The following MCM8 variants were observed in gnomAD, a reference collection of about 807,000 sequenced individuals.
MCM8 encodes DNA helicase MCM8.
MCM8 carries 85 observed loss-of-function variants against 98.9 expected under a neutral mutation model. The observed-to-expected ratio is 0.86, with a 90% confidence interval of 0.72 to 1.03. The LOEUF is 1.03. MCM8 is among the 50% of genes least tolerant of loss of function. The pLI, the probability that MCM8 is intolerant of heterozygous loss-of-function variation, is 0.00. For synonymous variants in MCM8, 352 were observed against 338.6 expected (o/e 1.04, Z -0.44); for missense variants, 951 against 997.8 (o/e 0.95, Z 0.63).
At chr20:5,954,482 T>G (rs1469030647) in intron 3 of MCM8, 126 bp from the exon 4 acceptor site, 2 of 508,356 alleles carry the variant, frequency 3.9e-6, no homozygotes, top group Non-Finnish European at 7.1e-6. Context: ...CTTATATGAA[T>G]GTAATCAAAA....
chr20:5,982,483 T>C (rs1296047839), intron 13 of MCM8, among the ~76,000 whole-genome samples: 4 of 152,122 alleles, frequency 2.6e-5, no homozygotes, highest in African/African-American at 7.2e-5. Context: ...TGGTGGTGCA[T>C]TGTATTATGT....
rs573146386 is a variant in MCM8, at chr20:5,967,373, T to C, written c.876-63T>C. The C allele has an allele frequency of 2.7e-4, 403 of 1,467,724 alleles. 1 individual carries two copies. In the East Asian group the frequency reaches 8.0e-3, roughly 29 times the overall value. The allele number at this position is 1,467,724 out of a possible 1,614,324, so 90.9% of individuals were successfully genotyped here. A position where few individuals can be genotyped will look rare whatever the true frequency, so the allele number is the denominator to read the frequency against. The stretch of plus-strand genomic sequence containing the variant: ...TCAGCATCATGTGAACCCTGAATAG[T>C]TAATATCTTGCAGAAACCATCCAAA... On this transcript the variant is annotated intron_variant, in intron 8 of 18. Coordinates refer to ENST00000610722, the MANE Select transcript of MCM8 (RefSeq NM_032485.6).
In MCM8 at chr20:5,954,657, A is replaced by C. The variant is rs6117014; in HGVS notation, c.303A>C (p.Lys101Asn). The change falls in exon 4 of 19, where the codon AAA (lysine) becomes AAC (asparagine). Residue 101 changes from lysine to asparagine, a missense_variant. Lys to Asn is a moderately conservative substitution (Grantham distance 94). Transcript: ENST00000610722. ...PLIEKIQAFE[K>N]FFTRHIDLYD... ...TTGAGAAGATTCAAGCATTTGAAAA[A>C]TTTTTCACAAGGCATATTGATTTGT... 0.031 allele frequency: 49,444 copies of C among 1,609,630 alleles called. 1,722 individuals are homozygous for C. The highest frequency in any genetic ancestry group is 0.16 in the African/African-American group (11,604 of 74,798).
At chr20:5,973,006 A>G (rs1568584535) in intron 11 of MCM8, 50 bp from the exon 12 acceptor site, 4 of 1,593,026 alleles carry the variant, frequency 2.5e-6, no homozygotes, top group Non-Finnish European at 3.4e-6. Flanking sequence ...TTTACTAGTC[A>G]CCTTTATGTT....
chr20:5,954,109 G>C (rs752721920), intron 3 of MCM8, among the ~76,000 whole-genome samples: 1 of 151,828 alleles, frequency 6.6e-6, no homozygotes, highest in Non-Finnish European at 1.5e-5. Flanking sequence ...CTGTTCTTCT[G>C]TGAGAGACAT....
chr20:5,994,209 A>G, intron 18 of MCM8, 90 bp from the exon 19 acceptor site: 1 of 701,602 alleles, frequency 1.4e-6, no homozygotes, highest in Non-Finnish European at 2.2e-6. Flanking sequence ...GAAACTTTAC[A>G]GGTACATATT....
intron 5 of MCM8, among the ~76,000 whole-genome samples, chr20:5,955,561 G>C (rs960880552): frequency 1.2e-4 from 19 of 152,028 alleles, no homozygotes; most frequent in African/African-American, 4.1e-4. Context: ...AATCTCATAG[G>C]GAAGATAAAA....
intron 7 of MCM8, among the ~76,000 whole-genome samples, chr20:5,962,814 T>C (rs1471011909): frequency 6.6e-6 from 1 of 152,232 alleles, no homozygotes; most frequent in Admixed American, 6.5e-5. Context: ...CAAGTGCCTG[T>C]GTGGCATAAT....
chr20:5,988,677 C>T lies in MCM8; in HGVS notation c.2240+1319C>T, dbSNP rs575004559. Among the ~76,000 whole-genome samples, 327 of 152,202 alleles carry T rather than the reference C, an allele frequency of 2.1e-3. 2 individuals carry two copies. Among genetic ancestry groups the T allele is most frequent in the Non-Finnish European group, 3.1e-3 (213 of 68,022 alleles). ...TTCATTTAAAATGCATTTTTAATAT[C>T]CTCTGATAGCAATGAAAATACATTA... On this transcript the variant is annotated intron_variant, in intron 17 of 18. Coordinates refer to ENST00000610722, the MANE Select transcript of MCM8 (RefSeq NM_032485.6).
In MCM8 at chr20:5,967,495, A is replaced by C. The variant is rs1322454632; in HGVS notation, c.935A>C (p.Glu312Ala). 1.2e-6 allele frequency: 2 copies of C among 1,613,956 alleles called. No homozygotes were observed. Among genetic ancestry groups the C allele is most frequent in the Non-Finnish European group, 8.5e-7 (1 of 1,179,838 alleles). ...GCAGGTCGGATTCCACGAACAATAGAATGTGAGCTTGTTCATGATCTTGTG... is the reference window on the plus strand; with the variant it reads ...GCAGGTCGGATTCCACGAACAATAGCATGTGAGCTTGTTCATGATCTTGTG... Reference protein sequence around the residue: ...REAGRIPRTIECELVHDLVDS... With the variant: ...REAGRIPRTIACELVHDLVDS... The change falls in exon 9 of 19, where the codon GAA (glutamate) becomes GCA (alanine). Residue 312 changes from glutamate to alanine, a missense_variant. Transcript: ENST00000610722.
chr20:5,975,991 T>A (rs1161403879), intron 12 of MCM8, among the ~76,000 whole-genome samples: 1 of 152,154 alleles, frequency 6.6e-6, no homozygotes, highest in Non-Finnish European at 1.5e-5. Flanking sequence ...GAGTATGGCA[T>A]GTAAGCCACA....
rs2088801141 is a variant in MCM8, at chr20:5,950,851, A to G, written c.-178A>G. The G allele has an allele frequency of 6.5e-6, 1 of 153,218 alleles. No individual in the cohort carries two copies. Among genetic ancestry groups the G allele is most frequent in the Non-Finnish European group, 1.5e-5 (1 of 68,618 alleles). The allele number at this position is 153,218 out of a possible 1,614,324, so 9.5% of individuals were successfully genotyped here. A position where few individuals can be genotyped will look rare whatever the true frequency, so the allele number is the denominator to read the frequency against. ...CGACAGGAAAGCTGCGGCTGAAGAG[A>G]ACTGCGGACTTGGCAGGAGTCGCCT... On this transcript the variant is annotated 5_prime_UTR_variant, in exon 1 of 19. Transcript: ENST00000610722.
chr20:5,951,319 T>C (rs919534136), intron 1 of MCM8, among the ~76,000 whole-genome samples: 7 of 152,342 alleles, frequency 4.6e-5, no homozygotes, highest in African/African-American at 1.7e-4. Flanking sequence ...TGCCTAATTA[T>C]TGGAGCCCTG....
chr20:5,952,215 C>T (rs373538552), intron 2 of MCM8, 52 bp downstream of exon 2: 7 of 1,604,246 alleles, frequency 4.4e-6, no homozygotes, highest in African/African-American at 1.3e-5. Context: ...AAGCAATTCA[C>T]GTCTATCATA....
chr20:5,984,182 A>G (rs989019178), intron 14 of MCM8, among the ~76,000 whole-genome samples: 3 of 152,214 alleles, frequency 2.0e-5, no homozygotes, highest in Non-Finnish European at 4.4e-5. Context: ...ACAAAAGAGT[A>G]CCTCCTGAAA....
At chr20:5,976,350 T>C (rs1378965053) in intron 12 of MCM8, among the ~76,000 whole-genome samples, 3 of 152,178 alleles carry the variant, frequency 2.0e-5, no homozygotes, top group Non-Finnish European at 4.4e-5. Context: ...ATGCGAGTTA[T>C]AGAGAAACGC....
chr20:5,997,020 G>C lies in MCM8; in HGVS notation c.*2629G>C, dbSNP rs1469073858. ...CTTTGGTGTTTCCTCATGTGGCCTG[G>C]TGTGGCATGGCACGCCCTCTTGGGA... On this transcript the variant is annotated 3_prime_UTR_variant, in exon 19 of 19. Coordinates refer to ENST00000610722, the MANE Select transcript of MCM8 (RefSeq NM_032485.6). 1 of 152,430 alleles carries C rather than the reference G, an allele frequency of 6.6e-6. No individual in the cohort carries two copies. Among genetic ancestry groups the C allele is most frequent in the African/African-American group, 2.4e-5 (1 of 41,562 alleles). The allele number at this position is 152,430 out of a possible 1,614,324, so 9.4% of individuals were successfully genotyped here.
intron 4 of MCM8, 74 bp downstream of exon 4, chr20:5,954,764 A>G: frequency 2.2e-6 from 2 of 905,118 alleles, no homozygotes; most frequent in Non-Finnish European, 3.6e-6. Context: ...TGTGATTATG[A>G]TCGTAGGCAC....
chr20:5,953,697 TCTC>T (rs977142448), intron 3 of MCM8, among the ~76,000 whole-genome samples: 8 of 151,798 alleles, frequency 5.3e-5, no homozygotes, highest in African/African-American at 1.9e-4. Context: ...ATGGTCTTGA[TCTC>T]CTGACCTCGT....
Sources: allele counts gnomAD v4.1 joint callset (sites outside exome capture counted in the v4.1 genomes callset), GRCh38; gene constraint gnomAD v4.1.1; transcripts MANE v1.5; gene names NCBI Gene and HGNC (gene_info 2026-07-23, HGNC 2026-07-21).